Variants in ARHGAP8 observed in about 807,000 individuals in gnomAD.
ARHGAP8 encodes rho GTPase-activating protein 8.
Under a neutral mutation model 46.1 loss-of-function variants are expected in ARHGAP8, and 62 were observed. The observed-to-expected ratio is 1.34, with a 90% CI of 1.10 to 1.66. The LOEUF is 1.66. ARHGAP8 is among the 40% of genes most tolerant of loss of function. The pLI is 0.00. For synonymous variants in ARHGAP8, 375 were observed against 243.1 expected (o/e 1.54, Z -5.05); for missense variants, 923 against 568.4 (o/e 1.62, Z -6.34).
At chr22:44,760,082 T>G (rs1313260808) in intron 1 of ARHGAP8, among the ~76,000 whole-genome samples, 1 of 152,232 alleles carries the variant, frequency 6.6e-6, no homozygotes, top group Non-Finnish European at 1.5e-5. Flanking sequence ...AAGGTCCTGA[T>G]GCAGGTCACA....
In ARHGAP8 at chr22:44,841,076, T is replaced by C. The variant is rs78153390; in HGVS notation, c.597-4193T>C. Among the ~76,000 whole-genome samples, 589 of 152,096 alleles carry C rather than the reference T, an allele frequency of 3.9e-3. 9 individuals carry two copies. The highest frequency in any genetic ancestry group is 0.013 in the African/African-American group (559 of 41,508). On this transcript the variant is annotated intron_variant, in intron 7 of 11. Transcript: ENST00000356099. ...GTCCCGTTTACATTTATTGGCCCCA[T>C]AGAGAGCAAGGAGGAAGCGTGTGTG...
chr22:44,862,781 A>G lies in ARHGAP8; in HGVS notation c.*186A>G. On this transcript the variant is annotated 3_prime_UTR_variant, in exon 12 of 12. Transcript: ENST00000356099. ...TTCCTGAGCTGTGGACCGGGATAGAATAATGCATTTGTTAGGATGGATGTT... is the reference window on the plus strand; with the variant it reads ...TTCCTGAGCTGTGGACCGGGATAGAGTAATGCATTTGTTAGGATGGATGTT... 2 of 680,818 alleles carry G rather than the reference A, an allele frequency of 2.9e-6. No homozygotes were observed. Among genetic ancestry groups the G allele is most frequent in the East Asian group, 2.8e-5 (1 of 35,176 alleles). The allele number at this position is 680,818 out of a possible 1,614,324, so 42.2% of individuals were successfully genotyped here.
chr22:44,859,702 G>C, intron 10 of ARHGAP8, 29 bp from the exon 11 acceptor site: 1 of 1,610,348 alleles, frequency 6.2e-7, no homozygotes, highest in Non-Finnish European at 8.5e-7. Flanking sequence ...CCCCTCTGGA[G>C]CTCAGCAGGG....
chr22:44,859,447 A>C (rs536464765), intron 10 of ARHGAP8, among the ~76,000 whole-genome samples: 8 of 152,166 alleles, frequency 5.3e-5, no homozygotes, highest in Admixed American at 5.2e-4. Flanking sequence ...AGGCTTCTCC[A>C]GAAGCTGAAC....
intron 2 of ARHGAP8, among the ~76,000 whole-genome samples, chr22:44,801,125 G>A (rs1296097322): frequency 4.4e-5 from 2 of 45,716 alleles, no homozygotes; most frequent in African/African-American, 2.6e-4. Flanking sequence ...ACCTCTCCCC[G>A]CAGCTGTCCA....
At position 44,861,540 on chromosome 22, in the gene ARHGAP8, G is replaced by A. The variant is rs1405429067; in HGVS notation, c.982-735G>A. ...AACAGATCTGTGAGGGTGGTGCCTG[G>A]CCCTGCCTCCCTCCAGTTCTCTGCT... On this transcript the variant is annotated intron_variant, in intron 11 of 11. Transcript: ENST00000356099. Among the ~76,000 whole-genome samples the A allele has an allele frequency of 2.0e-5, 3 of 152,260 alleles. 1 individual carries two copies. The highest frequency in any genetic ancestry group is 2.0e-4 in the Admixed American group (3 of 15,292).
intron 4 of ARHGAP8, among the ~76,000 whole-genome samples, chr22:44,811,658 T>G (rs9626249): frequency 0.48 from 72,844 of 151,954 alleles, 17,910 homozygotes; most frequent in South Asian, 0.62. Context: ...CCCAAAAGTG[T>G]AATGTCTGCA....
At chr22:44,809,647 T>C (rs11705254) in intron 4 of ARHGAP8, 78,283 of 161,060 alleles carry the variant, frequency 0.49, 19,687 homozygotes, top group South Asian at 0.6. Context: ...ACTCACCGCT[T>C]GGCCATGGCC....
rs548299449 is a variant in ARHGAP8, at chr22:44,819,517, C to A, written c.387-2854C>A. Among the ~76,000 whole-genome samples, 156 of 152,138 alleles carry A rather than the reference C, an allele frequency of 1.0e-3. 1 individual carries two copies. Among genetic ancestry groups the A allele is most frequent in the African/African-American group, 3.5e-3 (145 of 41,538 alleles). ...CGAAACCCTATCTCTATTAAAAATA[C>A]AAAAAATTAGCGGGGAGTGGTGGCA... On this transcript the variant is annotated intron_variant, in intron 5 of 11. Transcript: ENST00000356099.
chr22:44,767,817 G>A (rs1356263935), intron 1 of ARHGAP8, among the ~76,000 whole-genome samples: 1 of 148,762 alleles, frequency 6.7e-6, no homozygotes, highest in Non-Finnish European at 1.5e-5. Flanking sequence ...AGGTTGCAAT[G>A]AGCCGAGACC....
At chr22:44,812,362 C>CT (rs1929397728) in intron 4 of ARHGAP8, among the ~76,000 whole-genome samples, 5 of 112,506 alleles carry the variant, frequency 4.4e-5, no homozygotes, top group Non-Finnish European at 9.2e-5. Flanking sequence ...TTTTTGCTTT[C>CT]TGTTTTTTTT....
intron 11 of ARHGAP8, 134 bp from the exon 12 acceptor site, chr22:44,862,141 C>CA: frequency 9.2e-7 from 1 of 1,086,394 alleles, no homozygotes; most frequent in Non-Finnish European, 1.3e-6. Context: ...ACAGGGTCCC[C>CA]ATTACTGGCT....
At chr22:44,830,690 C>T (rs1019591267) in intron 7 of ARHGAP8, among the ~76,000 whole-genome samples, 9 of 151,996 alleles carry the variant, frequency 5.9e-5, no homozygotes, top group Admixed American at 3.3e-4. Flanking sequence ...GTATGTGCCA[C>T]CATGCCCAAC....
chr22:44,844,963 G>T (rs2069916591), intron 7 of ARHGAP8, among the ~76,000 whole-genome samples: 1 of 152,088 alleles, frequency 6.6e-6, no homozygotes, highest in Admixed American at 6.5e-5. Flanking sequence ...TTTGTCCTCT[G>T]GCAGGCTCCT....
At chr22:44,828,339 G>C (rs915394154) in intron 7 of ARHGAP8, among the ~76,000 whole-genome samples, 2 of 152,154 alleles carry the variant, frequency 1.3e-5, no homozygotes, top group African/African-American at 4.8e-5. Flanking sequence ...ATGCTGGGCG[G>C]GGCAGGCACC....
rs745736136 is a variant in ARHGAP8, at chr22:44,847,955, G to A, written c.671-18G>A. The A allele has an allele frequency of 1.9e-6, 3 of 1,605,838 alleles. No homozygotes were observed. The highest frequency in any genetic ancestry group is 1.7e-5 in the Admixed American group (1 of 60,002). Reference sequence around the variant, plus strand: ...TGGGCTGGGACCTGTGAGATGCCTGGAAGCTCCTCTCCTGCAGGCCTGCGC... The same window carrying A: ...TGGGCTGGGACCTGTGAGATGCCTGAAAGCTCCTCTCCTGCAGGCCTGCGC... On this transcript the variant is annotated intron_variant, in intron 8 of 11. Coordinates refer to ENST00000356099, the MANE Select transcript of ARHGAP8 (RefSeq NM_181335.3).
chr22:44,793,554 C>T (rs868109088), intron 2 of ARHGAP8, among the ~76,000 whole-genome samples: 1 of 152,116 alleles, frequency 6.6e-6, no homozygotes, highest in Admixed American at 6.5e-5. Flanking sequence ...AGCAAACTTG[C>T]GACTCCCTCC....
chr22:44,858,302 C>T (rs1264958387), intron 10 of ARHGAP8, among the ~76,000 whole-genome samples: 3 of 150,640 alleles, frequency 2.0e-5, no homozygotes, highest in South Asian at 2.1e-4. Flanking sequence ...TGAGTGCACA[C>T]ATGTGCATAC....
At chr22:44,757,666 T>C (rs1924789472) in intron 1 of ARHGAP8, among the ~76,000 whole-genome samples, 1 of 151,970 alleles carries the variant, frequency 6.6e-6, no homozygotes, top group Non-Finnish European at 1.5e-5. Context: ...TGACCTGGAG[T>C]CTCACTCCAT....
Sources: gnomAD v4.1 joint callset for allele counts (sites outside exome capture counted in the v4.1 genomes callset) on GRCh38, gnomAD v4.1.1 for gene constraint, MANE v1.5 for transcripts, NCBI Gene and HGNC (gene_info 2026-07-23, HGNC 2026-07-21) for gene names.